The following AKNA variants were observed in gnomAD, a reference collection of about 807,000 sequenced individuals.
The protein encoded by AKNA is microtubule organization protein AKNA.
In AKNA, 67 loss-of-function variants were observed where a neutral mutation model predicts 138.8. The observed-to-expected ratio is 0.48, with a 90% confidence interval of 0.40 to 0.59. AKNA has a LOEUF of 0.59. Among genes scored for constraint, AKNA ranks in the 20% least tolerant of loss-of-function variants. AKNA has a pLI of 0.00. For synonymous variants in AKNA, 737 were observed against 754.4 expected (o/e 0.98, Z 0.38); for missense variants, 1,813 against 1,880.4 (o/e 0.96, Z 0.66).
chr9:114,341,674 T>C lies in AKNA; in HGVS notation c.3926A>G (p.Lys1309Arg), dbSNP rs1830359939. 3.7e-6 allele frequency: 6 copies of C among 1,606,142 alleles called. No individual in the cohort carries two copies. Among genetic ancestry groups the C allele is most frequent in the Non-Finnish European group, 5.1e-6 (6 of 1,176,892 alleles). The change falls in exon 21 of 22, where the codon AAG (lysine) becomes AGG (arginine). Residue 1309 changes from lysine to arginine, a missense_variant. Lys to Arg is a conservative substitution (Grantham distance 26, BLOSUM62 2). Coordinates refer to ENST00000374088, the MANE Select transcript of AKNA (RefSeq NM_001317950.2). ...RRKASSTPSPKQRSKQAGSSP... is the reference protein window; with the variant it reads ...RRKASSTPSPRQRSKQAGSSP... The stretch of plus-strand genomic sequence containing the variant: ...CGACCCCGCCTGCTTGCTCCTCTGC[T>C]TGGGGCTGGGAGTTGAAGATGCTTT...
chr9:114,376,553 C>T lies in AKNA; in HGVS notation c.1254G>A (p.Lys418=), dbSNP rs774935468. ...TGATAGGGTGGGCAGGAGGCGTGTCCTTTGCCAGGGCTGCTTCTCCACTGC... is the reference window on the plus strand; with the variant it reads ...TGATAGGGTGGGCAGGAGGCGTGTCTTTTGCCAGGGCTGCTTCTCCACTGC... ...LLSSGEAALA[K]DTPPAHPITR... The change falls in exon 3 of 22, where the codon AAG becomes AAA. Residue 418 remains lysine (K), a synonymous_variant. Transcript: ENST00000374088. 5 of 1,613,986 alleles carry T rather than the reference C, an allele frequency of 3.1e-6. No homozygotes were observed. The highest frequency in any genetic ancestry group is 4.2e-6 in the Non-Finnish European group (5 of 1,180,022).
upstream of AKNA, among the ~76,000 whole-genome samples, chr9:114,388,798 T>G (rs960341175): frequency 6.6e-6 from 1 of 152,172 alleles, no homozygotes; most frequent in African/African-American, 2.4e-5. Flanking sequence ...TCCCCTGCTC[T>G]CCACTCTAGC....
upstream of AKNA, among the ~76,000 whole-genome samples, chr9:114,392,000 C>T (rs948347245): frequency 8.4e-5 from 12 of 142,960 alleles, no homozygotes; most frequent in Non-Finnish European, 1.5e-4. Flanking sequence ...GCCCTTCCCA[C>T]GAGCCTGAGG....
Position 114,337,055 on chromosome 9 carries a change from C to A in AKNA, c.4319G>T (p.Ter1440LeuextTer104). ...TCTGCCTCTGGGCCCCCAGTGAAGT[C>A]AGAAGAGGCAGGAGCCCCGCAGGCT... is the stretch of plus-strand genomic sequence containing the variant. ...AHSLRGSCLF[*>L] Residue 1440 changes from the stop codon to leucine (L), a stop_lost, in exon 22 of 22, where the codon TGA becomes TTA. Coordinates refer to ENST00000374088, the MANE Select transcript of AKNA (RefSeq NM_001317950.2). 7.9e-7 allele frequency: 1 copy of A among 1,259,184 alleles called. No homozygotes were observed. Among genetic ancestry groups the A allele is most frequent in the South Asian group, 1.5e-5 (1 of 67,420 alleles). The allele number at this position is 1,259,184 out of a possible 1,614,324, so 78.0% of individuals were successfully genotyped here.
chr9:114,367,453 TC>T, intron 6 of AKNA, 89 bp downstream of exon 6: 1 of 1,458,474 alleles, frequency 6.9e-7, no homozygotes, highest in Non-Finnish European at 9.3e-7. Flanking sequence ...CAAGTGAGAC[TC>T]CCAGAGTGCC....
Position 114,337,271 on chromosome 9 carries a change from G to A in AKNA, c.4103C>T (p.Pro1368Leu), listed in dbSNP as rs1359315337. 3.2e-6 allele frequency: 5 copies of A among 1,543,172 alleles called. No homozygotes were observed. Among genetic ancestry groups the A allele is most frequent in the Non-Finnish European group, 3.5e-6 (4 of 1,136,032 alleles). ...YAPAGPTSAQ[P>L]AAKWPPTASP... ...GGCTGTGGGCGGCCACTTGGCAGCT[G>A]GTTGGGCTGAGGTAGGTCCTGCAGG... The change falls in exon 22 of 22, where the codon CCA (proline) becomes CTA (leucine). Residue 1368 changes from proline (P) to leucine (L), a missense_variant. Transcript: ENST00000374088.
chr9:114,343,129 C>T (rs1018296521), intron 19 of AKNA, among the ~76,000 whole-genome samples: 1 of 152,196 alleles, frequency 6.6e-6, no homozygotes, highest in African/African-American at 2.4e-5. Context: ...TTAATTTATG[C>T]AAAACCCTTA....
In AKNA at chr9:114,343,784, C is replaced by T. The variant is rs1332166741; in HGVS notation, c.3681G>A (p.Leu1227=). 3 of 1,613,104 alleles carry T rather than the reference C, an allele frequency of 1.9e-6. No homozygotes were observed. Among genetic ancestry groups the T allele is most frequent in the East Asian group, 2.2e-5 (1 of 44,848 alleles). The change falls in exon 19 of 22, where the codon CTG becomes CTA. Residue 1227 remains leucine, a synonymous_variant. Transcript: ENST00000374088. ...GQYTGHEYHV[L]SPKAVPKGNG... ...TGCCTTTTGGGACCGCCTTAGGGGA[C>T]AGAACATGGTATTCGTGGCCTGGGG...
At chr9:114,382,547 C>T (rs1833762919) in intron 1 of AKNA, among the ~76,000 whole-genome samples, 1 of 147,788 alleles carries the variant, frequency 6.8e-6, no homozygotes, top group Non-Finnish European at 1.5e-5. Context: ...AGCGCCACTG[C>T]ACTCCAGCCT....
At position 114,377,460 on chromosome 9, in the gene AKNA, C is replaced by A. The variant is rs781624204; in HGVS notation, c.347G>T (p.Arg116Leu). The change falls in exon 3 of 22, where the codon CGT (arginine) becomes CTT (leucine). Residue 116 changes from arginine (R) to leucine (L), a missense_variant. Coordinates refer to ENST00000374088, the MANE Select transcript of AKNA (RefSeq NM_001317950.2). ...EPLAWLPQQG[R>L]QLDMTEEEPD... ...CTCCTCTTCAGTCATGTCCAGCTGA[C>A]GGCCCTGCTGGGGGAGCCAGGCAAG... The A allele has an allele frequency of 3.1e-6, 5 of 1,613,364 alleles. No homozygotes were observed. Among genetic ancestry groups the A allele is most frequent in the Non-Finnish European group, 4.2e-6 (5 of 1,179,866 alleles).
downstream of AKNA, chr9:114,330,997 G>C (rs113633242): frequency 6.3e-5 from 43 of 681,850 alleles, 1 homozygote; most frequent in African/African-American, 4.9e-4. Flanking sequence ...CTCTTACCAC[G>C]TGCTCAGAAA....
chr9:114,370,173 T>C (rs1424324242), intron 4 of AKNA, among the ~76,000 whole-genome samples: 7 of 152,282 alleles, frequency 4.6e-5, no homozygotes, highest in South Asian at 4.1e-4. Flanking sequence ...AAAAATCAAC[T>C]CCAAGTGTGG....
chr9:114,364,825 T>A (rs1170469049), intron 6 of AKNA, among the ~76,000 whole-genome samples: 2 of 152,148 alleles, frequency 1.3e-5, no homozygotes, highest in Non-Finnish European at 2.9e-5. Context: ...AAGTGAAACC[T>A]GCAGGAATTT....
At chr9:114,360,160 G>C (rs1387052840) in intron 9 of AKNA, 98 bp from the exon 10 acceptor site, 1 of 1,480,082 alleles carries the variant, frequency 6.8e-7, no homozygotes, top group African/African-American at 1.4e-5. Flanking sequence ...GGGCTGCGGG[G>C]TAAGAAGCAC....
At chr9:114,330,925 G>A, downstream of AKNA, 1 of 1,392,986 alleles carries the variant, frequency 7.2e-7, no homozygotes, top group Non-Finnish European at 1.0e-6. Flanking sequence ...GCATAAGGTG[G>A]GGGCTGGATG....
Position 114,337,013 on chromosome 9 carries a change from G to GACC in AKNA, c.*40_*41insGGT. 2.5e-6 allele frequency: 3 copies of GACC among 1,185,370 alleles called. No individual in the cohort carries two copies. Among genetic ancestry groups the GACC allele is most frequent in the South Asian group, 4.9e-5 (2 of 40,612 alleles). 73.4% of individuals were successfully genotyped at this position (1,185,370 alleles called of 1,614,324 possible). On this transcript the variant is annotated 3_prime_UTR_variant, in exon 22 of 22. Transcript: ENST00000374088. The stretch of plus-strand genomic sequence containing the variant: ...CCACTCCTGGCCTGGCAGGCCACCT[G>GACC]CCCACCCACCCACCCATCTGCCTCT...
At chr9:114,391,416 A>G (rs1834332795), upstream of AKNA, among the ~76,000 whole-genome samples, 1 of 152,212 alleles carries the variant, frequency 6.6e-6, no homozygotes, top group East Asian at 1.9e-4. Flanking sequence ...CCTTTATAGC[A>G]CTAGATGCTC....
chr9:114,376,473 T>G lies in AKNA; in HGVS notation c.1334A>C (p.Gln445Pro). Residue 445 changes from glutamine to proline, a missense_variant, in exon 3 of 22, where the codon CAG becomes CCG. Physicochemically the swap from Gln to Pro is moderately conservative, Grantham distance 76. Coordinates refer to ENST00000374088, the MANE Select transcript of AKNA (RefSeq NM_001317950.2). ...TPEQATELVHQLQEDYHRLLT... is the reference protein window; with the variant it reads ...TPEQATELVHPLQEDYHRLLT... ...GCCATGAGTCCCACTAACCTGGAGC[T>G]GATGGACCAGCTCAGTGGCTTGCTC... 6.2e-7 allele frequency: 1 copy of G among 1,613,928 alleles called. No individual in the cohort carries two copies. Among genetic ancestry groups the G allele is most frequent in the Non-Finnish European group, 8.5e-7 (1 of 1,179,940 alleles).
chr9:114,355,380 T>G (rs1345860059), intron 14 of AKNA, among the ~76,000 whole-genome samples: 1 of 152,026 alleles, frequency 6.6e-6, no homozygotes, highest in Non-Finnish European at 1.5e-5. Flanking sequence ...TTTCACCACG[T>G]TGGCCAGGCT....
Sources: gnomAD v4.1 joint callset for allele counts (sites outside exome capture counted in the v4.1 genomes callset) on GRCh38, gnomAD v4.1.1 for gene constraint, MANE v1.5 for transcripts, NCBI Gene and HGNC (gene_info 2026-07-23, HGNC 2026-07-21) for gene names.